The following LRCH1 variants were observed in gnomAD, a reference collection of about 807,000 sequenced individuals.
LRCH1 encodes leucine-rich repeat and calponin homology domain-containing protein 1.
Under a neutral mutation model 94.9 loss-of-function variants are expected in LRCH1, and 23 were observed. That is an observed-to-expected ratio of 0.24 (90% confidence interval 0.17 to 0.34). The LOEUF (loss-of-function observed/expected upper bound fraction) is 0.34, where lower values mean the gene tolerates loss of function less well. Ranked by LOEUF, LRCH1 falls within the 10% of genes least tolerant of loss-of-function variation. The pLI, the probability that LRCH1 is intolerant of heterozygous loss-of-function variation, is 1.00. For missense variants in LRCH1, 790 were observed against 945.9 expected (o/e 0.84, Z 2.16); for synonymous variants, 364 against 354.9 (o/e 1.03, Z -0.29).
rs1229949610 is a variant in LRCH1 at position 46,750,526 on chromosome 13, C to T, written c.1981-14C>T. The T allele has an allele frequency of 2.6e-6, 4 of 1,514,116 alleles. No homozygotes were observed. In the Admixed American group the frequency reaches 7.9e-5, roughly 30 times the overall value. The allele number at this position is 1,514,116 out of a possible 1,614,324, so 93.8% of individuals were successfully genotyped here. ...ATCATCTAAAAATTGATGTTTTATT[C>T]TTTTTCCTTTTAGGAAAAGCTATGT... On this transcript the variant is annotated splice_polypyrimidine_tract_variant and intron_variant, in intron 18 of 18. Transcript: ENST00000311191.
At chr13:46,574,610 A>T (rs1324866814) in intron 1 of LRCH1, among the ~76,000 whole-genome samples, 1 of 152,180 alleles carries the variant, frequency 6.6e-6, no homozygotes, top group Non-Finnish European at 1.5e-5. Context: ...TTATTTGTAG[A>T]TCCCACTTCC....
At chr13:46,566,805 C>T (rs1035095719) in intron 1 of LRCH1, among the ~76,000 whole-genome samples, 14 of 152,130 alleles carry the variant, frequency 9.2e-5, no homozygotes, top group African/African-American at 2.7e-4. Context: ...AAGTAGGACC[C>T]GGATTCCTGA....
At chr13:46,607,514 C>T (rs1233496311) in intron 1 of LRCH1, among the ~76,000 whole-genome samples, 1 of 152,084 alleles carries the variant, frequency 6.6e-6, no homozygotes, top group African/African-American at 2.4e-5. Context: ...TTGGAAATAC[C>T]ATGTGCATAA....
intron 1 of LRCH1, among the ~76,000 whole-genome samples, chr13:46,619,192 C>T (rs1290155301): frequency 1.3e-5 from 2 of 151,768 alleles, no homozygotes; most frequent in African/African-American, 2.4e-5. Flanking sequence ...TCACTGCAAC[C>T]TCTGCCTCCC....
At chr13:46,739,346 A>C (rs924456013) in intron 19 of LRCH1, among the ~76,000 whole-genome samples, 4 of 152,216 alleles carry the variant, frequency 2.6e-5, no homozygotes, top group African/African-American at 9.7e-5. Context: ...GGGGACTCTT[A>C]GTGAATTAAC....
At chr13:46,554,811 TGCTCCGTTTTGGAGCC>T (rs147186374) in intron 1 of LRCH1, among the ~76,000 whole-genome samples, 4,017 of 152,152 alleles carry the variant, frequency 0.026, 175 homozygotes, top group African/African-American at 0.092. Context: ...GGGCAGTGGG[TGCTCCGTTTTGGAGCC>T]GCTGCCCAGA....
At chr13:46,623,545 T>C (rs1185530832) in intron 1 of LRCH1, among the ~76,000 whole-genome samples, 2 of 152,068 alleles carry the variant, frequency 1.3e-5, no homozygotes, top group Non-Finnish European at 1.5e-5. Flanking sequence ...GTGCTTTTTT[T>C]GTTTGTTCAG....
chr13:46,706,856 T>C (rs914266303), intron 13 of LRCH1, among the ~76,000 whole-genome samples: 1 of 152,218 alleles, frequency 6.6e-6, no homozygotes, highest in African/African-American at 2.4e-5. Context: ...TTATATTTGT[T>C]CTCTTTCTCT....
chr13:46,684,861 C>G (rs2138147757), intron 4 of LRCH1, among the ~76,000 whole-genome samples: 1 of 152,298 alleles, frequency 6.6e-6, no homozygotes, highest in African/African-American at 2.4e-5. Context: ...GAGAGAGGTA[C>G]TGGTTACTAG....
At chr13:46,657,146 AC>A (rs544268229) in intron 2 of LRCH1, among the ~76,000 whole-genome samples, 1,681 of 132,526 alleles carry the variant, frequency 0.013, 19 homozygotes, top group Middle Eastern at 0.037. Flanking sequence ...GTAAATACCC[AC>A]TCCTAATTCA....
At chr13:46,600,893 G>A (rs529791483) in intron 1 of LRCH1, among the ~76,000 whole-genome samples, 1 of 152,118 alleles carries the variant, frequency 6.6e-6, no homozygotes, top group Admixed American at 6.5e-5. Context: ...TTCTGTTAGC[G>A]CTTTAAAGCA....
At chr13:46,608,869 G>C (rs1028700387) in intron 1 of LRCH1, among the ~76,000 whole-genome samples, 3 of 152,124 alleles carry the variant, frequency 2.0e-5, no homozygotes, top group African/African-American at 7.2e-5. Context: ...AATTACTGCA[G>C]TACACATTGC....
chr13:46,689,813 G>T (rs538704509), intron 7 of LRCH1, among the ~76,000 whole-genome samples: 3 of 152,230 alleles, frequency 2.0e-5, no homozygotes, highest in South Asian at 4.1e-4. Flanking sequence ...TATAAATCAT[G>T]CTTTGATAAC....
chr13:46,682,772 T>G (rs2138144402), intron 4 of LRCH1, among the ~76,000 whole-genome samples: 1 of 152,312 alleles, frequency 6.6e-6, no homozygotes, highest in African/African-American at 2.4e-5. Context: ...CCATCCAGCA[T>G]GAATGCCAAG....
At chr13:46,682,096 A>AC (rs1207759205) in intron 4 of LRCH1, among the ~76,000 whole-genome samples, 1 of 152,138 alleles carries the variant, frequency 6.6e-6, no homozygotes, top group Non-Finnish European at 1.5e-5. Context: ...ACGGGGGTGG[A>AC]CGTGGGTGTG....
chr13:46,644,971 C>A (rs1394661806), intron 1 of LRCH1, among the ~76,000 whole-genome samples: 1 of 152,176 alleles, frequency 6.6e-6, no homozygotes, highest in African/African-American at 2.4e-5. Flanking sequence ...TAATCTCATT[C>A]CTTGAGAGGC....
At chr13:46,705,666 G>T (rs1009032148) in intron 13 of LRCH1, 6 of 385,750 alleles carry the variant, frequency 1.6e-5, no homozygotes, top group Non-Finnish European at 1.5e-5. Context: ...GCCAAGAAAA[G>T]GTCTGGGAAT....
chr13:46,689,070 G>T, intron 6 of LRCH1, 63 bp from the exon 7 acceptor site: 1 of 1,258,210 alleles, frequency 7.9e-7, no homozygotes, highest in Non-Finnish European at 1.2e-6. Context: ...GATGTTTCTT[G>T]GTGTGAACTT....
At chr13:46,692,483 A>G in intron 7 of LRCH1, 53 bp from the exon 8 acceptor site, 1 of 1,227,566 alleles carries the variant, frequency 8.1e-7, no homozygotes, top group East Asian at 2.3e-5. Context: ...CATTCTCCTT[A>G]TCTACATTGA....
Sources: allele counts gnomAD v4.1 joint callset (sites outside exome capture counted in the v4.1 genomes callset), GRCh38; gene constraint gnomAD v4.1.1; transcripts MANE v1.5; gene names NCBI Gene and HGNC (gene_info 2026-07-23, HGNC 2026-07-21).